The following XPA variants were observed in gnomAD, a reference collection of about 807,000 sequenced individuals.
XPA encodes DNA repair protein complementing XP-A cells.
XPA carries 27 observed loss-of-function variants against 35.7 expected under a neutral mutation model. The observed-to-expected ratio is 0.76, with a 90% CI of 0.56 to 1.04. The LOEUF is 1.04. Among genes scored for constraint, XPA ranks in the 50% least tolerant of loss-of-function variants. The pLI, the probability that XPA is intolerant of heterozygous loss-of-function variation, is 0.00. For missense variants in XPA, 354 were observed against 342.7 expected, an observed-to-expected ratio of 1.03 and a Z score of -0.26; for synonymous variants, 133 against 118.4, an observed-to-expected ratio of 1.12 and a Z score of -0.80.
At chr9:97,669,958 T>A (rs928970865), downstream of XPA, 20 of 482,394 alleles carry the variant, frequency 4.1e-5, no homozygotes, top group Non-Finnish European at 6.8e-5. Context: ...CATCTCACTC[T>A]GTTGCCCAGG....
In XPA at chr9:97,690,724, T is replaced by C. The variant is rs376983773; in HGVS notation, c.284-1085A>G. Among the ~76,000 whole-genome samples the C allele has an allele frequency of 5.9e-5, 9 of 152,292 alleles. No individual in the cohort carries two copies. The South Asian group carries it at 8.3e-4, about 14-fold the overall frequency. On this transcript the variant is annotated intron_variant, in intron 2 of 5. Coordinates refer to ENST00000375128, the MANE Select transcript of XPA (RefSeq NM_000380.4). ...TTTTAGTAGAGACAGAGTTTTGCCA[T>C]GTTGGCCAGGTTGGTCTTGAACTCC...
At chr9:97,685,660 AAT>A (rs1342513055) in intron 4 of XPA, among the ~76,000 whole-genome samples, 6 of 152,332 alleles carry the variant, frequency 3.9e-5, no homozygotes, top group Non-Finnish European at 8.8e-5. Flanking sequence ...TACCTCTCAC[AAT>A]ATGTTAAAAG....
intron 3 of XPA, among the ~76,000 whole-genome samples, chr9:97,689,066 TTCC>T (rs1554701871): frequency 6.6e-6 from 1 of 152,204 alleles, no homozygotes; most frequent in Non-Finnish European, 1.5e-5. Flanking sequence ...AATATAGTTC[TTCC>T]TCATCTATTC....
rs781172040 is a variant in XPA at position 97,675,204 on chromosome 9, T to C, written c.*235A>G. On this transcript the variant is annotated 3_prime_UTR_variant, in exon 6 of 6. Coordinates refer to ENST00000375128, the MANE Select transcript of XPA (RefSeq NM_000380.4). ...TACTCTAGCACTCAGCTCCCATCTC[T>C]GTTGTAAGAAGGCAATCACAGACAT... 1.6e-6 allele frequency: 1 copy of C among 631,724 alleles called. No individual in the cohort carries two copies. The highest frequency in any genetic ancestry group is 1.5e-5 in the South Asian group (1 of 66,072). The allele number at this position is 631,724 out of a possible 1,614,324, so 39.1% of individuals were successfully genotyped here.
intron 1 of XPA, among the ~76,000 whole-genome samples, chr9:97,696,820 G>A (rs969671453): frequency 2.6e-5 from 4 of 152,344 alleles, no homozygotes; most frequent in South Asian, 2.1e-4. Context: ...CCTCCCGGCC[G>A]GGGCGGCTGC....
Position 97,697,125 on chromosome 9 carries a change from A to C in XPA, c.168T>G (p.Thr56=). 3 of 1,548,374 alleles carry C rather than the reference A, an allele frequency of 1.9e-6. No individual in the cohort carries two copies. The highest frequency in any genetic ancestry group is 2.6e-6 in the Non-Finnish European group (3 of 1,149,436). Residue 56 remains threonine (T), a synonymous_variant, in exon 1 of 6, where the codon ACT becomes ACG. Transcript: ENST00000375128. ...AAGCGCGGACGCGGCCCAAACCTCC[A>C]GTAGCCGCAGCCGCCGTCGCCGAGT... ...RPYSATAAAA[T]GGMANVKAAP...
At chr9:97,657,737 G>C in the XPA span, among the ~76,000 whole-genome samples, 3 of 151,912 alleles carry the variant, frequency 2.0e-5, no homozygotes, top group Non-Finnish European at 4.4e-5. Context: ...TGTAAGAGCT[G>C]TCCTTTCTCC....
At chr9:97,682,230 T>G (rs1331259724) in intron 5 of XPA, 3 of 512,124 alleles carry the variant, frequency 5.9e-6, no homozygotes, top group South Asian at 4.2e-5. Context: ...TGTGTCAGCT[T>G]CTTTGTGGAT....
At chr9:97,654,564 TA>T in the XPA span, among the ~76,000 whole-genome samples, 1,307 of 140,296 alleles carry the variant, frequency 9.3e-3, 8 homozygotes, top group East Asian at 0.052. Context: ...AACCTTCAGT[TA>T]AAAAAAAAAA....
chr9:97,675,199 A>C lies in XPA; in HGVS notation c.*240T>G. The C allele has an allele frequency of 1.6e-6, 1 of 628,752 alleles. No homozygotes were observed. Among genetic ancestry groups the C allele is most frequent in the Non-Finnish European group, 2.9e-6 (1 of 341,892 alleles). 38.9% of individuals were successfully genotyped at this position (628,752 alleles called of 1,614,324 possible). A position where few individuals can be genotyped will look rare whatever the true frequency, so the allele number is the denominator to read the frequency against. On this transcript the variant is annotated 3_prime_UTR_variant, in exon 6 of 6. Transcript: ENST00000375128. Reference sequence around the variant, plus strand: ...GCACCTACTCTAGCACTCAGCTCCCATCTCTGTTGTAAGAAGGCAATCACA... The same window carrying C: ...GCACCTACTCTAGCACTCAGCTCCCCTCTCTGTTGTAAGAAGGCAATCACA...
chr9:97,662,292 A>G, the XPA span: 1 of 603,618 alleles, frequency 1.7e-6, no homozygotes, highest in Non-Finnish European at 2.9e-6. Flanking sequence ...GTGGTAGCTG[A>G]AATCCATATC....
chr9:97,691,209 A>G (rs143983866), intron 2 of XPA, among the ~76,000 whole-genome samples: 49 of 152,344 alleles, frequency 3.2e-4, no homozygotes, highest in African/African-American at 1.1e-3. Context: ...CCTACCAACA[A>G]AGCAAATAGC....
intron 5 of XPA, among the ~76,000 whole-genome samples, chr9:97,682,877 T>C (rs911320402): frequency 1.3e-5 from 2 of 152,188 alleles, no homozygotes; most frequent in Non-Finnish European, 2.9e-5. Context: ...ATACTACTAA[T>C]ATATATGCCA....
the XPA span, among the ~76,000 whole-genome samples, chr9:97,654,716 A>G: frequency 1.3e-5 from 2 of 152,218 alleles, no homozygotes; most frequent in Admixed American, 1.3e-4. Context: ...CATCACTGAT[A>G]TTTCAAAGCT....
At chr9:97,662,957 T>A in the XPA span, 1 of 1,608,378 alleles carries the variant, frequency 6.2e-7, no homozygotes, top group East Asian at 2.2e-5. Flanking sequence ...TCAAAAGGTT[T>A]CATGAAGTCT....
chr9:97,674,237 T>C (rs1303291675), downstream of XPA, among the ~76,000 whole-genome samples: 2 of 152,206 alleles, frequency 1.3e-5, no homozygotes, highest in African/African-American at 4.8e-5. Context: ...AGAGACATCT[T>C]GCTGCCCATT....
chr9:97,666,908 AAGAAAATATACC>A, the XPA span: 1 of 1,408,822 alleles, frequency 7.1e-7, no homozygotes, highest in Non-Finnish European at 9.8e-7. Context: ...TAAGTAGTTA[AAGAAAATATACC>A]AGAAACTCTG....
In XPA at chr9:97,688,906, C is replaced by G. The variant is rs953161401; in HGVS notation, c.389+628G>C. Among the ~76,000 whole-genome samples the G allele has an allele frequency of 2.0e-5, 3 of 152,122 alleles. No homozygotes were observed. In the South Asian group the frequency reaches 6.2e-4, roughly 32 times the overall value. On this transcript the variant is annotated intron_variant, in intron 3 of 5. Transcript: ENST00000375128. ...ACAGGTAAGAGGGCCAACTAAGATT[C>G]CAAGATAAGACCTTCAATGTGCAAA...
At chr9:97,681,899 A>G (rs1828553561) in intron 5 of XPA, among the ~76,000 whole-genome samples, 1 of 152,184 alleles carries the variant, frequency 6.6e-6, no homozygotes, top group Non-Finnish European at 1.5e-5. Flanking sequence ...GGCCAAATTC[A>G]AAAGAACTCT....
Sources: gnomAD v4.1 joint callset for allele counts (sites outside exome capture counted in the v4.1 genomes callset) on GRCh38, gnomAD v4.1.1 for gene constraint, MANE v1.5 for transcripts, NCBI Gene and HGNC (gene_info 2026-07-23, HGNC 2026-07-21) for gene names.